CSMD1: variants seen among roughly 807,000 people sequenced by gnomAD.
CSMD1 encodes the protein CUB and Sushi multiple domains 1, also known as CUB and sushi domain-containing protein 1.
Under a neutral mutation model 417.5 loss-of-function variants are expected in CSMD1, and 213 were observed. The observed-to-expected ratio is 0.51, with a 90% confidence interval of 0.46 to 0.57. The LOEUF (loss-of-function observed/expected upper bound fraction) is 0.57. Ranked by LOEUF, CSMD1 falls within the 20% of genes least tolerant of loss-of-function variation. The probability of loss-of-function intolerance (pLI) is 0.00; values close to 1 mark genes in which losing one functional copy is unlikely to be tolerated. For synonymous variants in CSMD1, 2,862 were observed against 1,736.8 expected (o/e 1.65, Z -16.11); for missense variants, 6,923 against 4,529.7 (o/e 1.53, Z -15.17).
intron 26 of CSMD1, among the ~76,000 whole-genome samples, chr8:3,244,789 C>T (rs554854848): frequency 6.6e-6 from 1 of 152,264 alleles, no homozygotes; most frequent in South Asian, 2.1e-4. Flanking sequence ...ATCTGCACAC[C>T]CTCCAAGCAT....
At chr8:3,458,294 C>A (rs1461998214) in intron 12 of CSMD1, among the ~76,000 whole-genome samples, 1 of 152,118 alleles carries the variant, frequency 6.6e-6, no homozygotes, top group Non-Finnish European at 1.5e-5. Flanking sequence ...TCTCCTGGCT[C>A]ATATGTGCTG....
chr8:4,637,640 G>A, intron 1 of CSMD1, 82 bp from the exon 2 acceptor site: 1 of 395,536 alleles, frequency 2.5e-6, no homozygotes. Flanking sequence ...AAACACTTTA[G>A]CCAATTTTTT....
At chr8:4,628,388 A>G (rs960494731) in intron 2 of CSMD1, among the ~76,000 whole-genome samples, 4 of 137,614 alleles carry the variant, frequency 2.9e-5, no homozygotes, top group Non-Finnish European at 3.2e-5. Flanking sequence ...ATACACACAT[A>G]TATATACACA....
intron 3 of CSMD1, among the ~76,000 whole-genome samples, chr8:4,161,556 C>T (rs1266404811): frequency 6.6e-6 from 1 of 152,174 alleles, no homozygotes; most frequent in African/African-American, 2.4e-5. Flanking sequence ...TACTACTTGA[C>T]ATTGTTTTGG....
intron 12 of CSMD1, among the ~76,000 whole-genome samples, chr8:3,436,531 C>T (rs1411623879): frequency 6.6e-6 from 1 of 152,132 alleles, no homozygotes; most frequent in African/African-American, 2.4e-5. Flanking sequence ...TGTTTAGTGG[C>T]TTTAACTATA....
At chr8:3,171,917 C>G (rs188271369) in intron 37 of CSMD1, among the ~76,000 whole-genome samples, 119 of 152,238 alleles carry the variant, frequency 7.8e-4, no homozygotes, top group Non-Finnish European at 9.1e-4. Flanking sequence ...TATTTGGGTT[C>G]AGAAACCCAC....
chr8:4,374,036 A>G (rs1000160353), intron 3 of CSMD1, among the ~76,000 whole-genome samples: 1 of 152,234 alleles, frequency 6.6e-6, no homozygotes, highest in South Asian at 2.1e-4. Flanking sequence ...CAGTAAAAAT[A>G]CGTGATCAAA....
intron 1 of CSMD1, among the ~76,000 whole-genome samples, chr8:4,912,959 T>C (rs908589372): frequency 1.3e-5 from 2 of 152,134 alleles, no homozygotes; most frequent in Non-Finnish European, 2.9e-5. Context: ...CTAATTTGTT[T>C]TGTATTTTTA....
At chr8:3,771,204 T>G (rs991006460) in intron 5 of CSMD1, among the ~76,000 whole-genome samples, 1 of 152,114 alleles carries the variant, frequency 6.6e-6, no homozygotes, top group Non-Finnish European at 1.5e-5. Context: ...CTACTCTTTT[T>G]GGGGCCAGCT....
intron 3 of CSMD1, among the ~76,000 whole-genome samples, chr8:4,196,212 AAAAT>A (rs764439050): frequency 2.6e-5 from 4 of 152,092 alleles, no homozygotes; most frequent in African/African-American, 4.8e-5. Flanking sequence ...CTCCGTTTCA[AAAAT>A]AAATAAATAA....
chr8:4,749,277 T>G (rs906847922), intron 1 of CSMD1, among the ~76,000 whole-genome samples: 1 of 152,268 alleles, frequency 6.6e-6, no homozygotes, highest in Non-Finnish European at 1.5e-5. Context: ...TAAATTTTAC[T>G]ACAGATTTCT....
chr8:4,477,423 G>T (rs1052676979), intron 2 of CSMD1, among the ~76,000 whole-genome samples: 3 of 152,202 alleles, frequency 2.0e-5, no homozygotes, highest in Non-Finnish European at 4.4e-5. Flanking sequence ...AGCAAAATTG[G>T]GGGGCTCAGA....
intron 7 of CSMD1, among the ~76,000 whole-genome samples, chr8:3,682,878 T>G (rs1218876300): frequency 1.3e-5 from 2 of 152,202 alleles, no homozygotes; most frequent in Non-Finnish European, 2.9e-5. Flanking sequence ...AATGAAGAGT[T>G]CATGTCATTT....
intron 5 of CSMD1, among the ~76,000 whole-genome samples, chr8:3,808,596 A>G (rs1054358421): frequency 1.3e-5 from 2 of 152,146 alleles, no homozygotes; most frequent in African/African-American, 4.8e-5. Flanking sequence ...ATAATTGCAC[A>G]CTGCTGTCAC....
rs113735099 is a variant in CSMD1, at chr8:3,147,144, T to G, written c.6031+4253A>C. ...TGTCAATCAAGGAAACAGATATGTA[T>G]GTTCAGATACTAGAGATACAATCTG... On this transcript the variant is annotated intron_variant, in intron 40 of 69. Coordinates refer to ENST00000635120, the MANE Select transcript of CSMD1 (RefSeq NM_033225.6). Among the ~76,000 whole-genome samples the G allele has an allele frequency of 5.1e-3, 777 of 152,338 alleles. 10 individuals are homozygous for G. The highest frequency in any genetic ancestry group is 0.018 in the African/African-American group (754 of 41,586).
intron 2 of CSMD1, among the ~76,000 whole-genome samples, chr8:4,633,992 T>A: frequency 8.0e-6 from 1 of 125,508 alleles, no homozygotes; most frequent in Non-Finnish European, 1.7e-5. Flanking sequence ...ACCTGACAGG[T>A]CATTAAAAAA....
Position 4,017,536 on chromosome 8 carries a change from T to C in CSMD1, c.610+14369A>G, listed in dbSNP as rs1316659110. ...GGTCAGGCTGGTCTCGAACTCCCGA[T>C]CTCAGATGATCCACCCACCTTGGTC... On this transcript the variant is annotated intron_variant, in intron 4 of 69. Transcript: ENST00000635120. Among the ~76,000 whole-genome samples the C allele has an allele frequency of 1.3e-5, 2 of 152,074 alleles. 1 individual carries two copies. Among genetic ancestry groups the C allele is most frequent in the Non-Finnish European group, 2.9e-5 (2 of 68,020 alleles).
intron 26 of CSMD1, among the ~76,000 whole-genome samples, chr8:3,281,692 G>A (rs575085845): frequency 2.0e-5 from 3 of 152,268 alleles, no homozygotes; most frequent in Middle Eastern, 3.4e-3. Context: ...GGGATGAACA[G>A]GCAGAACACA....
chr8:4,285,709 C>G (rs1046778606), intron 3 of CSMD1, among the ~76,000 whole-genome samples: 3 of 152,104 alleles, frequency 2.0e-5, no homozygotes, highest in African/African-American at 7.2e-5. Flanking sequence ...ACTAGTAAAA[C>G]AGTCAGGGCC....
Sources: gnomAD v4.1 joint callset for allele counts (sites outside exome capture counted in the v4.1 genomes callset) on GRCh38, gnomAD v4.1.1 for gene constraint, MANE v1.5 for transcripts, NCBI Gene and HGNC (gene_info 2026-07-23, HGNC 2026-07-21) for gene names.